Variants in KDM4C observed in about 807,000 individuals in gnomAD.
KDM4C encodes the protein lysine demethylase 4C, also known as lysine-specific demethylase 4C.
In KDM4C, 81 loss-of-function variants were observed where a neutral mutation model predicts 129.3. The observed-to-expected ratio is 0.63, with a 90% CI of 0.52 to 0.75. The LOEUF is 0.75. Among genes scored for constraint, KDM4C ranks in the 30% least tolerant of loss-of-function variants. The pLI is 0.00. For missense variants in KDM4C, 1,457 were observed against 1,304.0 expected (o/e 1.12, Z -1.81); for synonymous variants, 573 against 456.1 (o/e 1.26, Z -3.26).
At chr9:6,903,818 T>C (rs1817811443) in intron 8 of KDM4C, among the ~76,000 whole-genome samples, 1 of 152,226 alleles carries the variant, frequency 6.6e-6, no homozygotes, top group Admixed American at 6.5e-5. Context: ...GGTAAAAAAC[T>C]GTTAACAGTT....
At chr9:6,797,458 TG>T (rs1173097039) in intron 2 of KDM4C, among the ~76,000 whole-genome samples, 3 of 151,966 alleles carry the variant, frequency 2.0e-5, no homozygotes, top group Admixed American at 6.6e-5. Flanking sequence ...ATTTTTTGAG[TG>T]GAAGGTTTGA....
chr9:6,991,857 G>A (rs1023404404), intron 12 of KDM4C, among the ~76,000 whole-genome samples: 4 of 152,146 alleles, frequency 2.6e-5, no homozygotes, highest in Non-Finnish European at 2.9e-5. Context: ...GCAACTTGGG[G>A]AGACCCTGTA....
rs35244873 is a variant in KDM4C at position 6,888,045 on chromosome 9, T to C, written c.765T>C (p.Tyr255=). 7.3e-4 allele frequency: 1,142 copies of C among 1,570,956 alleles called. 10 individuals are homozygous for C. In the African/African-American group the frequency reaches 0.013, roughly 18 times the overall value. ...TLISPSVLKK[Y]GIPFDKITQE... is the part of the protein sequence containing the mutation. Reference sequence around the variant, plus strand: ...TTTCTCCATCAGTATTGAAGAAATATGGTATTCCCTTTGACAAGGTATGTT... The same window carrying C: ...TTTCTCCATCAGTATTGAAGAAATACGGTATTCCCTTTGACAAGGTATGTT... Residue 255 remains tyrosine (Y), a synonymous_variant, in exon 7 of 22, where the codon TAT becomes TAC. Coordinates refer to ENST00000381309, the MANE Select transcript of KDM4C (RefSeq NM_015061.6).
intron 5 of KDM4C, among the ~76,000 whole-genome samples, chr9:6,872,197 T>G (rs1360652232): frequency 6.6e-6 from 1 of 152,078 alleles, no homozygotes; most frequent in Non-Finnish European, 1.5e-5. Context: ...GGTATGAAGG[T>G]TTTTAAACTG....
upstream of KDM4C, chr9:6,757,936 A>G: frequency 2.0e-6 from 2 of 985,374 alleles, no homozygotes; most frequent in Non-Finnish European, 2.4e-6. Context: ...TGCGGGCCCC[A>G]GCGGTCACGT....
At chr9:6,733,888 T>A (rs1330458053) in intron 1 of KDM4C, among the ~76,000 whole-genome samples, 1 of 152,192 alleles carries the variant, frequency 6.6e-6, no homozygotes, top group Non-Finnish European at 1.5e-5. Context: ...TTTTGTAAAC[T>A]GTCATGGCGC....
chr9:6,988,013 A>T (rs1190792450), intron 11 of KDM4C, among the ~76,000 whole-genome samples: 2 of 151,650 alleles, frequency 1.3e-5, no homozygotes, highest in Non-Finnish European at 1.5e-5. Flanking sequence ...AATAAAAAAA[A>T]ATTTAGTGGT....
chr9:6,960,779 G>C (rs1829906962), intron 8 of KDM4C, among the ~76,000 whole-genome samples: 1 of 152,136 alleles, frequency 6.6e-6, no homozygotes, highest in Admixed American at 6.5e-5. Context: ...GACATTCTCA[G>C]CTTCAGCAAT....
intron 19 of KDM4C, among the ~76,000 whole-genome samples, chr9:7,140,494 T>C (rs1389153142): frequency 6.6e-6 from 1 of 152,198 alleles, no homozygotes; most frequent in African/African-American, 2.4e-5. Context: ...TTCTTAGAGT[T>C]GGGGACTCAT....
intron 8 of KDM4C, among the ~76,000 whole-genome samples, chr9:6,933,201 C>A (rs572432102): frequency 6.6e-6 from 1 of 152,134 alleles, no homozygotes; most frequent in Non-Finnish European, 1.5e-5. Flanking sequence ...TCTATGGGAA[C>A]AATAGGTATA....
chr9:6,840,803 G>T (rs1289332155), intron 4 of KDM4C, among the ~76,000 whole-genome samples: 2 of 152,182 alleles, frequency 1.3e-5, no homozygotes, highest in Non-Finnish European at 2.9e-5. Flanking sequence ...TAGCATGGGG[G>T]TTATCCCACC....
intron 18 of KDM4C, among the ~76,000 whole-genome samples, chr9:7,125,752 G>A (rs1028833941): frequency 6.6e-6 from 1 of 152,214 alleles, no homozygotes; most frequent in African/African-American, 2.4e-5. Flanking sequence ...TGTAGGTACA[G>A]ATGACATGTC....
chr9:7,156,710 A>G (rs996736080), intron 19 of KDM4C, among the ~76,000 whole-genome samples: 20 of 152,222 alleles, frequency 1.3e-4, no homozygotes, highest in African/African-American at 4.6e-4. Context: ...CCATTGGTCT[A>G]TATCTCTGTT....
intron 8 of KDM4C, among the ~76,000 whole-genome samples, chr9:6,922,828 A>G (rs1821780987): frequency 6.6e-6 from 1 of 152,248 alleles, no homozygotes; most frequent in Non-Finnish European, 1.5e-5. Context: ...CACTGTCACT[A>G]ATAATTGAAC....
intron 18 of KDM4C, among the ~76,000 whole-genome samples, chr9:7,118,721 A>G (rs1257595799): frequency 6.6e-6 from 1 of 152,160 alleles, no homozygotes; most frequent in East Asian, 1.9e-4. Flanking sequence ...TCACCTGTTC[A>G]GCCTTGCTGG....
At chr9:6,930,332 A>G (rs1338975808) in intron 8 of KDM4C, among the ~76,000 whole-genome samples, 2 of 152,164 alleles carry the variant, frequency 1.3e-5, no homozygotes, top group Non-Finnish European at 2.9e-5. Context: ...TGTTTCTGTA[A>G]GTTTCTCTAG....
At chr9:6,893,632 TA>T (rs1248549845) in intron 8 of KDM4C, 2 of 153,918 alleles carry the variant, frequency 1.3e-5, no homozygotes, top group African/African-American at 4.8e-5. Flanking sequence ...GAGTGTCTGA[TA>T]AAATTGTAGC....
At chr9:6,831,959 C>A (rs1834905000) in intron 4 of KDM4C, among the ~76,000 whole-genome samples, 1 of 152,176 alleles carries the variant, frequency 6.6e-6, no homozygotes, top group Admixed American at 6.5e-5. Flanking sequence ...ATCCTGAGTA[C>A]TTAGGCAGTC....
chr9:7,167,886 TAAAC>T (rs1424071054), intron 20 of KDM4C, among the ~76,000 whole-genome samples: 2 of 152,152 alleles, frequency 1.3e-5, no homozygotes, highest in Non-Finnish European at 2.9e-5. Flanking sequence ...TTCTGTGAAT[TAAAC>T]AATAAGTGTA....
Sources: allele counts gnomAD v4.1 joint callset (sites outside exome capture counted in the v4.1 genomes callset), GRCh38; gene constraint gnomAD v4.1.1; transcripts MANE v1.5; gene names NCBI Gene and HGNC (gene_info 2026-07-23, HGNC 2026-07-21).